Variants in TEX9 observed in about 807,000 individuals in gnomAD.
TEX9 encodes the protein testis-expressed protein 9.
In TEX9, 74 loss-of-function variants were observed where a neutral mutation model predicts 59.6. The ratio of observed to expected loss-of-function variants is 1.24; its 90% CI spans 1.03 to 1.51. The LOEUF (loss-of-function observed/expected upper bound fraction) is 1.51, where lower values mean the gene tolerates loss of function less well. TEX9 is among the 40% of genes most tolerant of loss of function. The pLI is 0.00. For synonymous variants in TEX9, 186 were observed against 152.2 expected (o/e 1.22, Z -1.64); for missense variants, 522 against 447.8 (o/e 1.17, Z -1.49).
upstream of TEX9, among the ~76,000 whole-genome samples, chr15:56,365,203 C>A (rs1161479106): frequency 6.6e-6 from 1 of 152,208 alleles, no homozygotes; most frequent in African/African-American, 2.4e-5. Context: ...GAAACTCTTT[C>A]AACCCCCACA....
chr15:56,414,075 T>C (rs1051406983), intron 10 of TEX9, among the ~76,000 whole-genome samples: 5 of 151,754 alleles, frequency 3.3e-5, no homozygotes, highest in African/African-American at 1.2e-4. Context: ...ATTTGGTGCA[T>C]TTTACAGGGA....
intron 9 of TEX9, among the ~76,000 whole-genome samples, chr15:56,404,751 G>C (rs2048986726): frequency 6.6e-6 from 1 of 152,168 alleles, no homozygotes. Context: ...ATCAATGATA[G>C]ACTGGATTAA....
intron 1 of TEX9, among the ~76,000 whole-genome samples, chr15:56,268,358 TATGTTGAG>T (rs2044440717): frequency 6.6e-6 from 1 of 152,174 alleles, no homozygotes; most frequent in Non-Finnish European, 1.5e-5. Flanking sequence ...CTTCCAACAC[TATGTTGAG>T]TAAGAGTGGT....
chr15:56,369,532 G>A (rs371244063), intron 2 of TEX9, among the ~76,000 whole-genome samples: 26 of 152,008 alleles, frequency 1.7e-4, no homozygotes, highest in African/African-American at 3.9e-4. Context: ...ATGGGGTTTC[G>A]TCATGTTGCC....
rs1341613522 is a variant in TEX9 at position 56,389,301 on chromosome 15, C to G, written c.313-17C>G. ...TTAGACTCTAATTAGTCAATACTTTCAATTCTTTTCATGTAGCCAAAGACC... is the reference window on the plus strand; with the variant it reads ...TTAGACTCTAATTAGTCAATACTTTGAATTCTTTTCATGTAGCCAAAGACC... On this transcript the variant is annotated splice_polypyrimidine_tract_variant and intron_variant, in intron 5 of 12. Coordinates refer to ENST00000352903, the Ensembl canonical transcript of TEX9. 6.3e-7 allele frequency: 1 copy of G among 1,592,454 alleles called. No individual in the cohort carries two copies. Among genetic ancestry groups the G allele is most frequent in the Non-Finnish European group, 8.6e-7 (1 of 1,162,074 alleles).
In TEX9 at chr15:56,396,674, T is replaced by G. The variant is rs969311785; in HGVS notation, c.828+1840T>G. The G allele has an allele frequency of 3.4e-5, 5 of 146,034 alleles. No homozygotes were observed. The East Asian group carries it at 8.2e-4, about 24-fold the overall frequency. 9.0% of individuals were successfully genotyped at this position (146,034 alleles called of 1,614,324 possible). On this transcript the variant is annotated intron_variant, in intron 9 of 12. Transcript: ENST00000352903. ...CCCACTTGTTGCGGGAGGGAGCCGG[T>G]GGGAGGTAATTGAATCATGGGGGCA...
In TEX9 at chr15:56,280,483, A is replaced by G. The variant is rs148476914; in HGVS notation, c.-107+36205A>G. On this transcript the variant is annotated intron_variant, in intron 1 of 5. Transcript: ENST00000560827. ...CCCGAAGGCAAAGATTGGAGGTATA[A>G]TGATAGATATAACTTCTCTGCATAA... Among the ~76,000 whole-genome samples the G allele has an allele frequency of 4.6e-3, 704 of 152,336 alleles. 8 individuals are homozygous for G. The highest frequency in any genetic ancestry group is 0.017 in the Middle Eastern group (5 of 294).
intron 1 of TEX9, among the ~76,000 whole-genome samples, chr15:56,254,040 A>G (rs771277577): frequency 2.2e-4 from 33 of 152,150 alleles, no homozygotes; most frequent in Non-Finnish European, 3.4e-4. Context: ...GAAAGAGTTA[A>G]TTCAAAAATC....
chr15:56,256,407 CTCAGAG>C (rs2044146178), intron 1 of TEX9, among the ~76,000 whole-genome samples: 1 of 151,750 alleles, frequency 6.6e-6, no homozygotes, highest in South Asian at 2.1e-4. Context: ...TCTACATATA[CTCAGAG>C]AAAATGCAGC....
chr15:56,412,621 C>T (rs1355445052), intron 10 of TEX9, among the ~76,000 whole-genome samples, 185 bp downstream of exon 10: 5 of 152,220 alleles, frequency 3.3e-5, no homozygotes, highest in East Asian at 3.9e-4. Flanking sequence ...GCTTGTCTGT[C>T]GCCATTATTG....
At chr15:56,343,054 A>C (rs866183946) in intron 1 of TEX9, among the ~76,000 whole-genome samples, 5 of 152,320 alleles carry the variant, frequency 3.3e-5, no homozygotes, top group Middle Eastern at 3.4e-3. Context: ...ATAGAATGGT[A>C]ACATAGCAGG....
At chr15:56,309,709 T>TTTTTTA in intron 1 of TEX9, among the ~76,000 whole-genome samples, 6 of 132,512 alleles carry the variant, frequency 4.5e-5, no homozygotes, top group Admixed American at 1.7e-4. Flanking sequence ...TTTTTTTTTT[T>TTTTTTA]TTTTTTTTTT....
chr15:56,414,274 G>A (rs1249998137), intron 10 of TEX9, among the ~76,000 whole-genome samples: 1 of 151,526 alleles, frequency 6.6e-6, no homozygotes, highest in Non-Finnish European at 1.5e-5. Context: ...AGGTTTGTGG[G>A]TACATGTGAA....
intron 1 of TEX9, among the ~76,000 whole-genome samples, chr15:56,358,764 C>T (rs1384464431): frequency 6.6e-6 from 1 of 152,072 alleles, no homozygotes; most frequent in East Asian, 1.9e-4. Context: ...AAGAGAGAGA[C>T]GTGGTGGGAG....
chr15:56,455,247 G>GAAAA, the TEX9 span, among the ~76,000 whole-genome samples: 7 of 82,904 alleles, frequency 8.4e-5, no homozygotes, highest in East Asian at 3.6e-4. Flanking sequence ...ATCGTCAGGT[G>GAAAA]AAAAAAAAAA....
At chr15:56,417,451 C>G (rs1416479396) in intron 10 of TEX9, among the ~76,000 whole-genome samples, 3 of 151,720 alleles carry the variant, frequency 2.0e-5, no homozygotes, top group Non-Finnish European at 2.9e-5. Context: ...ATTATTTACC[C>G]CAAAGTCATT....
At chr15:56,316,919 GC>G (rs747762132) in intron 1 of TEX9, among the ~76,000 whole-genome samples, 15 of 152,196 alleles carry the variant, frequency 9.9e-5, no homozygotes, top group Non-Finnish European at 1.3e-4. Flanking sequence ...TTTTCCAGGT[GC>G]CGTCCGTCAC....
intron 7 of TEX9, among the ~76,000 whole-genome samples, chr15:56,393,296 G>A (rs1374736906): frequency 2.6e-5 from 4 of 152,146 alleles, no homozygotes; most frequent in African/African-American, 9.7e-5. Context: ...AGGCCAAAGA[G>A]ACCTAGGTAG....
chr15:56,363,243 C>A (rs548911022), upstream of TEX9, among the ~76,000 whole-genome samples: 15 of 152,098 alleles, frequency 9.9e-5, no homozygotes, highest in African/African-American at 3.4e-4. Flanking sequence ...TTCTCTACAT[C>A]CTCCTCTACA....
Sources: allele counts gnomAD v4.1 joint callset (sites outside exome capture counted in the v4.1 genomes callset), GRCh38; gene constraint gnomAD v4.1.1; transcripts MANE v1.5; gene names NCBI Gene and HGNC (gene_info 2026-07-23, HGNC 2026-07-21).